The following SMAD1 variants were observed in gnomAD, a reference collection of about 807,000 sequenced individuals.
The protein encoded by SMAD1 is SMAD family member 1.
A neutral mutation model predicts 41.6 loss-of-function variants in SMAD1; 6 were observed. The observed-to-expected ratio is 0.14, with a 90% CI of 0.08 to 0.28. The LOEUF (loss-of-function observed/expected upper bound fraction) is 0.28, where lower values mean the gene tolerates loss of function less well. SMAD1 is among the 10% of genes least tolerant of loss of function. The probability of loss-of-function intolerance (pLI) is 1.00; values close to 1 mark genes in which losing one functional copy is unlikely to be tolerated. For missense variants in SMAD1, 379 were observed against 582.6 expected (o/e 0.65, Z 3.60); for synonymous variants, 206 against 203.2 (o/e 1.01, Z -0.12).
chr4:145,512,500 T>C (rs550297627), intron 1 of SMAD1, among the ~76,000 whole-genome samples: 2 of 152,234 alleles, frequency 1.3e-5, no homozygotes, highest in Non-Finnish European at 2.9e-5. Context: ...TTTATTCTAC[T>C]GTATTTAACC....
intron 2 of SMAD1, among the ~76,000 whole-genome samples, chr4:145,519,927 C>G (rs1730648892): frequency 6.6e-6 from 1 of 152,174 alleles, no homozygotes; most frequent in African/African-American, 2.4e-5. Context: ...GCTTATTTCA[C>G]TTAACAATAA....
chr4:145,535,056 A>G (rs1027132781), intron 2 of SMAD1, among the ~76,000 whole-genome samples: 10 of 152,194 alleles, frequency 6.6e-5, no homozygotes, highest in South Asian at 2.1e-4. Flanking sequence ...GCATAAGCCA[A>G]CAGTTCAAAG....
intron 4 of SMAD1, 36 bp from the exon 5 acceptor site, chr4:145,546,667 C>G (rs760722957): frequency 2.6e-6 from 4 of 1,512,436 alleles, no homozygotes; most frequent in South Asian, 2.2e-5. Flanking sequence ...GCCTGAGGCA[C>G]TAACCTTGGT....
At chr4:145,547,885 A>G (rs534863024) in intron 5 of SMAD1, among the ~76,000 whole-genome samples, 3 of 135,444 alleles carry the variant, frequency 2.2e-5, no homozygotes, top group Non-Finnish European at 3.5e-5. Flanking sequence ...TTACTTGCGT[A>G]TAGTTTCTGA....
Position 145,558,017 on chromosome 4 carries a change from T to C in SMAD1, c.*83T>C. ...GGATGAGTCAGACACGATTGAGAAC[T>C]GACAAAGGAGCCTTGATAATACTTG... On this transcript the variant is annotated 3_prime_UTR_variant, in exon 7 of 7. Coordinates refer to ENST00000302085, the MANE Select transcript of SMAD1 (RefSeq NM_005900.3). 9.7e-7 allele frequency: 1 copy of C among 1,032,624 alleles called. No homozygotes were observed. Among genetic ancestry groups the C allele is most frequent in the Non-Finnish European group, 1.3e-6 (1 of 745,646 alleles). The allele number at this position is 1,032,624 out of a possible 1,614,324, so 64.0% of individuals were successfully genotyped here. A position where few individuals can be genotyped will look rare whatever the true frequency, so the allele number is the denominator to read the frequency against.
intron 4 of SMAD1, chr4:145,544,722 C>G (rs1453194110): frequency 6.6e-6 from 1 of 151,912 alleles, no homozygotes; most frequent in Admixed American, 6.6e-5. Flanking sequence ...TTTATGGTTC[C>G]TGATTATCTC....
At chr4:145,533,096 G>GC (rs1309515494) in intron 2 of SMAD1, among the ~76,000 whole-genome samples, 1 of 152,196 alleles carries the variant, frequency 6.6e-6, no homozygotes, top group African/African-American at 2.4e-5. Context: ...AGGGAGAGAG[G>GC]CCTGGGCCTT....
At position 145,553,925 on chromosome 4, in the gene SMAD1, T is replaced by A; in HGVS notation, c.1139T>A (p.Leu380Gln). Residue 380 changes from leucine (L) to glutamine (Q), a missense_variant, in exon 6 of 7, where the codon CTG becomes CAG. Leu to Gln is a moderately radical substitution (Grantham distance 113). Transcript: ENST00000302085. ...TVCKIPSGCS[L>Q]KIFNNQEFAQ... ...TGCAAGATCCCTAGTGGGTGTAGTC[T>A]GAAAATTTTTAACAACCAAGAATTT... The A allele has an allele frequency of 6.2e-7, 1 of 1,614,112 alleles. No individual in the cohort carries two copies.
At chr4:145,542,391 A>G (rs769482794) in intron 3 of SMAD1, among the ~76,000 whole-genome samples, 191 bp from the exon 4 acceptor site, 1 of 152,264 alleles carries the variant, frequency 6.6e-6, no homozygotes, top group Non-Finnish European at 1.5e-5. Flanking sequence ...ACAAAAATGT[A>G]TATGATTGTG....
At chr4:145,553,752 A>G (rs971043503) in intron 5 of SMAD1, 32 bp from the exon 6 acceptor site, 1 of 1,596,678 alleles carries the variant, frequency 6.3e-7, no homozygotes. Flanking sequence ...AAAATTAATA[A>G]TAACTAAATG....
chr4:145,512,428 A>T (rs930248148), intron 1 of SMAD1, among the ~76,000 whole-genome samples: 4 of 151,696 alleles, frequency 2.6e-5, no homozygotes, highest in African/African-American at 4.8e-5. Flanking sequence ...TTTATTTTTC[A>T]TTTTTTCCCT....
intron 1 of SMAD1, among the ~76,000 whole-genome samples, chr4:145,485,687 G>A (rs11100882): frequency 1 from 152,004 of 152,372 alleles, 75,819 homozygotes; most frequent in Middle Eastern, 1. Context: ...AGTTGAAGCT[G>A]CTGGATAAAA....
intron 1 of SMAD1, among the ~76,000 whole-genome samples, chr4:145,488,258 G>A (rs1396495621): frequency 6.6e-6 from 1 of 152,114 alleles, no homozygotes; most frequent in Non-Finnish European, 1.5e-5. Flanking sequence ...TTGAGTTCAG[G>A]ATGTAAATGA....
intron 5 of SMAD1, among the ~76,000 whole-genome samples, chr4:145,552,956 G>A (rs1225403319): frequency 6.6e-6 from 1 of 152,082 alleles, no homozygotes; most frequent in Admixed American, 6.5e-5. Context: ...CCAGTCTGGA[G>A]TGCAGTGGCT....
rs900756131 is a variant in SMAD1 at position 145,514,268 on chromosome 4, T to G, written c.-176-170T>G. On this transcript the variant is annotated intron_variant, in intron 1 of 6. Transcript: ENST00000302085. The surrounding 1 kb of genome is among the most constrained non-coding windows in gnomAD (Gnocchi z 4.7). ...TTAGAGGCTCCATCTCCAAATATAG[T>G]CATACTGAGAGTTAGGGCTTCCGCA... Among the ~76,000 whole-genome samples the G allele has an allele frequency of 6.6e-6, 1 of 152,134 alleles. No homozygotes were observed. The highest frequency in any genetic ancestry group is 2.4e-5 in the African/African-American group (1 of 41,414).
chr4:145,549,755 A>G (rs1249308182), intron 5 of SMAD1, among the ~76,000 whole-genome samples: 2 of 152,234 alleles, frequency 1.3e-5, no homozygotes, highest in Non-Finnish European at 2.9e-5. Context: ...CCTGAGGGGA[A>G]GAAAACTCCA....
intron 1 of SMAD1, among the ~76,000 whole-genome samples, chr4:145,506,441 C>A (rs937899332): frequency 1.3e-5 from 2 of 151,986 alleles, no homozygotes; most frequent in African/African-American, 4.8e-5. Context: ...CTTTTTGTAG[C>A]CTGTATTTTT....
At chr4:145,541,611 G>A (rs1731939653) in intron 3 of SMAD1, among the ~76,000 whole-genome samples, 1 of 152,212 alleles carries the variant, frequency 6.6e-6, no homozygotes, top group Admixed American at 6.5e-5. Flanking sequence ...GCAGCTGGAT[G>A]TGAAGTTACC....
rs1300106396 is a variant in SMAD1 at position 145,514,093 on chromosome 4, T to C, written c.-176-345T>C. Among the ~76,000 whole-genome samples, 1 of 152,156 alleles carries C rather than the reference T, an allele frequency of 6.6e-6. No individual in the cohort carries two copies. The highest frequency in any genetic ancestry group is 1.5e-5 in the Non-Finnish European group (1 of 68,016). ...GGACAATACAGGCTCTGGTGAGGGC[T>C]CTCTTCCTGGCTTGCAGATGATCAC... On this transcript the variant is annotated intron_variant, in intron 1 of 6. Transcript: ENST00000302085. The surrounding 1 kb of genome is among the most constrained non-coding windows in gnomAD (Gnocchi z 4.7).
Sources: gnomAD v4.1 joint callset for allele counts (sites outside exome capture counted in the v4.1 genomes callset) on GRCh38, gnomAD v4.1.1 for gene constraint, Gnocchi (gnomAD v3.1) non-coding constraint, MANE v1.5 for transcripts, NCBI Gene and HGNC (gene_info 2026-07-23, HGNC 2026-07-21) for gene names.